The following STIM1 variants were observed in gnomAD, a reference collection of about 807,000 sequenced individuals.
STIM1 encodes the protein stromal interaction molecule 1.
Under a neutral mutation model 74.7 loss-of-function variants are expected in STIM1, and 25 were observed. The ratio of observed to expected loss-of-function variants is 0.33; its 90% CI spans 0.24 to 0.47. The LOEUF (loss-of-function observed/expected upper bound fraction) is 0.47, where lower values mean the gene tolerates loss of function less well. Ranked by LOEUF, STIM1 falls within the 20% of genes least tolerant of loss-of-function variation. The pLI, the probability that STIM1 is intolerant of heterozygous loss-of-function variation, is 1.00. For synonymous variants in STIM1, 328 were observed against 348.8 expected, an observed-to-expected ratio of 0.94 and a Z score of 0.66; for missense variants, 728 against 920.8, an observed-to-expected ratio of 0.79 and a Z score of 2.71.
At chr11:4,081,960 A>T (rs1294237972) in intron 7 of STIM1, among the ~76,000 whole-genome samples, 1 of 152,228 alleles carries the variant, frequency 6.6e-6, no homozygotes, top group African/African-American at 2.4e-5. Context: ...TGGGAACAGA[A>T]ACATCTCAAT....
At position 4,074,125 on chromosome 11, in the gene STIM1, T is replaced by A. The variant is rs772263446; in HGVS notation, c.792-377T>A. Reference sequence around the variant, plus strand: ...CAGTTCTTCCTACAAGTTGCAAGACTCTGTATCTGCCTGTCCCAGGCTGAT... The same window carrying A: ...CAGTTCTTCCTACAAGTTGCAAGACACTGTATCTGCCTGTCCCAGGCTGAT... On this transcript the variant is annotated intron_variant, in intron 6 of 12. Coordinates refer to ENST00000526596, the MANE Select transcript of STIM1 (RefSeq NM_001382567.1). 4.6e-5 allele frequency among the ~76,000 whole-genome samples: 7 copies of A among 152,330 alleles called. No homozygotes were observed. The South Asian group carries it at 1.0e-3, about 23-fold the overall frequency.
At chr11:3,892,754 C>T (rs2091936041) in intron 1 of STIM1, 3 of 1,613,262 alleles carry the variant, frequency 1.9e-6, no homozygotes, top group Non-Finnish European at 2.5e-6. Flanking sequence ...ATAACCAAAT[C>T]CTTTCTCTCC....
At chr11:3,967,786 G>C in intron 2 of STIM1, 104 bp downstream of exon 2, 2 of 1,548,314 alleles carry the variant, frequency 1.3e-6, no homozygotes, top group Non-Finnish European at 1.8e-6. Context: ...TTCTCTGCTG[G>C]CTTGTTCTTT....
intron 1 of STIM1, among the ~76,000 whole-genome samples, chr11:3,957,753 A>T (rs561493354): frequency 6.6e-6 from 1 of 151,994 alleles, no homozygotes; most frequent in East Asian, 1.9e-4. Flanking sequence ...CTTTGTAGAG[A>T]TGAGATCTCA....
chr11:3,881,762 C>A (rs986757584), intron 1 of STIM1, among the ~76,000 whole-genome samples: 6 of 152,106 alleles, frequency 3.9e-5, no homozygotes, highest in African/African-American at 7.2e-5. Flanking sequence ...CTGCTCACTG[C>A]AGCCTCCGAC....
intron 1 of STIM1, among the ~76,000 whole-genome samples, chr11:3,878,450 A>T (rs911131911): frequency 1.3e-5 from 2 of 152,092 alleles, no homozygotes; most frequent in African/African-American, 4.8e-5. Flanking sequence ...AAAAGCACAT[A>T]TGAAGTTTCT....
At chr11:3,870,913 G>A (rs545103943) in intron 1 of STIM1, among the ~76,000 whole-genome samples, 12 of 125,264 alleles carry the variant, frequency 9.6e-5, no homozygotes, top group Non-Finnish European at 1.6e-4. Context: ...TTGCTCTGTC[G>A]CCAGGCTGGA....
At chr11:3,894,059 C>T (rs898353851) in intron 1 of STIM1, among the ~76,000 whole-genome samples, 2 of 152,028 alleles carry the variant, frequency 1.3e-5, no homozygotes, top group African/African-American at 2.4e-5. Flanking sequence ...GAGGTGTGAG[C>T]CACCACGCCA....
chr11:3,901,749 T>G (rs2092353370), intron 1 of STIM1, among the ~76,000 whole-genome samples: 1 of 152,244 alleles, frequency 6.6e-6, no homozygotes. Context: ...ATTGTTTGCC[T>G]AAGCCTTCTT....
chr11:4,027,180 A>G (rs1374111493), intron 3 of STIM1, among the ~76,000 whole-genome samples: 1 of 152,206 alleles, frequency 6.6e-6, no homozygotes, highest in African/African-American at 2.4e-5. Flanking sequence ...AGATCTGCCA[A>G]ATTCTTTATT....
chr11:3,970,074 C>T (rs1198970799), intron 2 of STIM1, among the ~76,000 whole-genome samples: 1 of 139,070 alleles, frequency 7.2e-6, no homozygotes. Context: ...GCTCCTCATC[C>T]TTTTTTTTTT....
intron 1 of STIM1, among the ~76,000 whole-genome samples, chr11:3,880,680 TC>T (rs1404954938): frequency 6.6e-6 from 1 of 152,054 alleles, no homozygotes; most frequent in Non-Finnish European, 1.5e-5. Context: ...GAAAAATAAA[TC>T]ATATTCAGAC....
At chr11:3,871,646 C>A (rs1222843362) in intron 1 of STIM1, among the ~76,000 whole-genome samples, 1 of 152,106 alleles carries the variant, frequency 6.6e-6, no homozygotes, top group Non-Finnish European at 1.5e-5. Flanking sequence ...CCATTGTTTT[C>A]TTGAAACTTT....
intron 2 of STIM1, among the ~76,000 whole-genome samples, chr11:4,005,324 G>A (rs376665993): frequency 6.6e-6 from 1 of 152,250 alleles, no homozygotes. Flanking sequence ...CAAAGACTTG[G>A]AACCAACCCA....
At chr11:4,032,223 A>G (rs969491181) in intron 3 of STIM1, among the ~76,000 whole-genome samples, 4 of 151,098 alleles carry the variant, frequency 2.6e-5, no homozygotes, top group Non-Finnish European at 5.9e-5. Context: ...AGTCCCAGCT[A>G]TTCAGGTGGC....
At chr11:3,901,234 CATT>C (rs2092341265) in intron 1 of STIM1, among the ~76,000 whole-genome samples, 1 of 151,964 alleles carries the variant, frequency 6.6e-6, no homozygotes, top group Non-Finnish European at 1.5e-5. Flanking sequence ...GGTGAAATGG[CATT>C]ATTATTATTA....
At chr11:4,030,897 G>T (rs2094044022) in intron 3 of STIM1, among the ~76,000 whole-genome samples, 1 of 152,126 alleles carries the variant, frequency 6.6e-6, no homozygotes, top group Admixed American at 6.5e-5. Context: ...TTTTTAAAAA[G>T]ATATTTATTG....
intron 2 of STIM1, among the ~76,000 whole-genome samples, chr11:4,019,504 T>A (rs1190957567): frequency 6.6e-6 from 1 of 151,888 alleles, no homozygotes; most frequent in Non-Finnish European, 1.5e-5. Context: ...TGAGACACCG[T>A]GTGTACAAAA....
chr11:4,013,466 C>T (rs56091716), intron 2 of STIM1, among the ~76,000 whole-genome samples: 4,822 of 151,714 alleles, frequency 0.032, 128 homozygotes, highest in Non-Finnish European at 0.047. Context: ...GTGTATGTGT[C>T]GAGGAATTTA....
Sources: gnomAD v4.1 joint callset for allele counts (sites outside exome capture counted in the v4.1 genomes callset) on GRCh38, gnomAD v4.1.1 for gene constraint, MANE v1.5 for transcripts, NCBI Gene and HGNC (gene_info 2026-07-23, HGNC 2026-07-21) for gene names.